Variants in TM9SF3 observed in about 807,000 individuals in gnomAD.
TM9SF3 encodes the protein transmembrane 9 superfamily member 3.
TM9SF3 carries 14 observed loss-of-function variants against 78.6 expected under a neutral mutation model. That is an observed-to-expected ratio of 0.18 (90% CI 0.12 to 0.28). The LOEUF (loss-of-function observed/expected upper bound fraction) is 0.28. Ranked by LOEUF, TM9SF3 falls within the 10% of genes least tolerant of loss-of-function variation. The pLI is 1.00. For missense variants in TM9SF3, 496 were observed against 721.9 expected (o/e 0.69, Z 3.59); for synonymous variants, 231 against 241.7 (o/e 0.96, Z 0.41).
intron 1 of TM9SF3, among the ~76,000 whole-genome samples, chr10:96,578,274 C>G (rs964107965): frequency 6.6e-6 from 1 of 152,136 alleles, no homozygotes; most frequent in Non-Finnish European, 1.5e-5. Flanking sequence ...TACCAAGTAT[C>G]GCGTTAGGTA....
chr10:96,574,675 A>C (rs1225327009), intron 2 of TM9SF3, among the ~76,000 whole-genome samples: 1 of 152,236 alleles, frequency 6.6e-6, no homozygotes, highest in Non-Finnish European at 1.5e-5. Context: ...AACCAACCCA[A>C]ATGTCCATCA....
intron 1 of TM9SF3, among the ~76,000 whole-genome samples, chr10:96,581,535 T>A (rs1321307509): frequency 1.3e-5 from 2 of 152,214 alleles, no homozygotes; most frequent in Non-Finnish European, 2.9e-5. Flanking sequence ...TTGAGATAAC[T>A]ACTCTCTCTC....
At chr10:96,531,565 A>C (rs910922778) in intron 10 of TM9SF3, among the ~76,000 whole-genome samples, 3 of 152,336 alleles carry the variant, frequency 2.0e-5, no homozygotes, top group South Asian at 2.1e-4. Context: ...TGAAAAAAAA[A>C]CTTAAAAATC....
At chr10:96,529,917 C>T (rs913489230) in intron 11 of TM9SF3, among the ~76,000 whole-genome samples, 12 of 152,144 alleles carry the variant, frequency 7.9e-5, no homozygotes, top group African/African-American at 1.9e-4. Context: ...AAGTCCCATA[C>T]GGTGAACTTT....
At chr10:96,580,726 T>G (rs911792925) in intron 1 of TM9SF3, among the ~76,000 whole-genome samples, 14 of 152,080 alleles carry the variant, frequency 9.2e-5, no homozygotes, top group African/African-American at 3.4e-4. Flanking sequence ...GATCTCACCA[T>G]TTTTGTAATA....
chr10:96,551,456 G>A lies in TM9SF3; in HGVS notation c.793-45C>T, dbSNP rs372273805. ...TAGAGAGAGAAAAGCAAATCATTCA[G>A]AATCAAACTAAAACATAGTATGTAA... On this transcript the variant is annotated intron_variant, in intron 6 of 14. Coordinates refer to ENST00000371142, the MANE Select transcript of TM9SF3 (RefSeq NM_020123.4). 12 of 1,368,498 alleles carry A rather than the reference G, an allele frequency of 8.8e-6. No individual in the cohort carries two copies. The African/African-American group carries it at 1.2e-4, about 14-fold the overall frequency. 84.8% of individuals were successfully genotyped at this position (1,368,498 alleles called of 1,614,324 possible).
At chr10:96,551,519 G>T in intron 6 of TM9SF3, 108 bp from the exon 7 acceptor site, 1 of 702,444 alleles carries the variant, frequency 1.4e-6, no homozygotes, top group Non-Finnish European at 2.1e-6. Context: ...CAAATTTATA[G>T]CTAAAGAAAT....
At chr10:96,523,685 C>T (rs1847806946) in intron 14 of TM9SF3, among the ~76,000 whole-genome samples, 1 of 151,834 alleles carries the variant, frequency 6.6e-6, no homozygotes, top group Admixed American at 6.6e-5. Context: ...GATCTAACTA[C>T]CACTTGAAGA....
At chr10:96,534,930 G>A (rs983520230) in intron 9 of TM9SF3, among the ~76,000 whole-genome samples, 1 of 152,084 alleles carries the variant, frequency 6.6e-6, no homozygotes, top group African/African-American at 2.4e-5. Flanking sequence ...TGATTAGGAA[G>A]GCTTGTAATG....
At chr10:96,561,836 T>C (rs1848311676) in intron 4 of TM9SF3, 142 bp downstream of exon 4, 5 of 717,876 alleles carry the variant, frequency 7.0e-6, no homozygotes, top group Admixed American at 3.1e-5. Flanking sequence ...CTTACTTACG[T>C]ACACTGAGAA....
intron 2 of TM9SF3, among the ~76,000 whole-genome samples, chr10:96,572,851 T>C (rs1027982565): frequency 6.6e-6 from 1 of 152,170 alleles, no homozygotes; most frequent in African/African-American, 2.4e-5. Context: ...AGCATTTTTG[T>C]CTAGTGCTAG....
chr10:96,545,181 G>T (rs1171566963), intron 8 of TM9SF3, among the ~76,000 whole-genome samples: 1 of 152,182 alleles, frequency 6.6e-6, no homozygotes, highest in African/African-American at 2.4e-5. Context: ...ATACAGCAGA[G>T]GGTAAAGCTG....
intron 6 of TM9SF3, among the ~76,000 whole-genome samples, chr10:96,551,942 A>C (rs984159860): frequency 6.6e-6 from 1 of 152,194 alleles, no homozygotes; most frequent in African/African-American, 2.4e-5. Context: ...AAAAGAATTC[A>C]ATTTTTACTT....
Position 96,522,132 on chromosome 10 carries a change from C to T in TM9SF3, c.*131G>A, listed in dbSNP as rs1035835170. The T allele has an allele frequency of 2.1e-5, 15 of 720,096 alleles. No homozygotes were observed. The highest frequency in any genetic ancestry group is 1.7e-4 in the East Asian group (6 of 35,062). 44.6% of individuals were successfully genotyped at this position (720,096 alleles called of 1,614,324 possible). On this transcript the variant is annotated 3_prime_UTR_variant, in exon 15 of 15. Coordinates refer to ENST00000371142, the MANE Select transcript of TM9SF3 (RefSeq NM_020123.4). ...AATAGATGTTACTTTAAGCCACCGA[C>T]GAAAGAGAGACCCACAAAGTACCCA...
chr10:96,582,594 T>G (rs1212350164), intron 1 of TM9SF3, among the ~76,000 whole-genome samples: 1 of 152,214 alleles, frequency 6.6e-6, no homozygotes, highest in African/African-American at 2.4e-5. Context: ...AAAGCCTGTC[T>G]TCCACAAAAG....
At position 96,553,037 on chromosome 10, in the gene TM9SF3, T is replaced by C; in HGVS notation, c.683A>G (p.Asn228Ser). 6.4e-7 allele frequency: 1 copy of C among 1,565,304 alleles called. No homozygotes were observed. The highest frequency in any genetic ancestry group is 8.6e-7 in the Non-Finnish European group (1 of 1,160,250). The change falls in exon 6 of 15, where the codon AAC (asparagine) becomes AGC (serine). Residue 228 changes from asparagine (N) to serine (S), a missense_variant. Around this residue, in one of 4 missense-constraint regions of TM9SF3, gnomAD observed 155 missense variants for 241.6 expected, o/e 0.64. Transcript: ENST00000371142. ...CAAGAAGATCACCATCATGAAGGAG[T>C]TGAAAATTGAAAACCAATGAATCTA... ...QHRIHWFSIF[N>S]SFMMVIFLVG...
At chr10:96,569,196 G>A (rs112495197) in intron 2 of TM9SF3, among the ~76,000 whole-genome samples, 27 of 152,100 alleles carry the variant, frequency 1.8e-4, no homozygotes, top group Non-Finnish European at 5.9e-5. Flanking sequence ...GATTGAAAGT[G>A]CCAATATATT....
rs75463775 is a variant in TM9SF3 at position 96,570,097 on chromosome 10, A to G, written c.299-4671T>C. On this transcript the variant is annotated intron_variant, in intron 2 of 14. Transcript: ENST00000371142. ...AATAGTATGTTGCCACATTTAAAAG[A>G]GTAATTAACAGTATGGGGACAAGCT... is the stretch of plus-strand genomic sequence containing the variant. Among the ~76,000 whole-genome samples the G allele has an allele frequency of 7.5e-3, 1,140 of 152,374 alleles. 16 individuals carry two copies. Among genetic ancestry groups the G allele is most frequent in the African/African-American group, 0.025 (1,035 of 41,586 alleles).
chr10:96,526,404 T>TA (rs1212332064), intron 14 of TM9SF3, among the ~76,000 whole-genome samples: 7 of 152,190 alleles, frequency 4.6e-5, no homozygotes, highest in East Asian at 1.9e-4. Context: ...TCCATGGCCA[T>TA]AAAAAAAGCT....
Sources: allele counts gnomAD v4.1 joint callset (sites outside exome capture counted in the v4.1 genomes callset), GRCh38; gene constraint gnomAD v4.1.1; regional missense constraint gnomAD v4.1.1; transcripts MANE v1.5; gene names NCBI Gene and HGNC (gene_info 2026-07-23, HGNC 2026-07-21).